The following EXTL3 variants were observed in gnomAD, a reference collection of about 807,000 sequenced individuals.
EXTL3 encodes exostosin like glycosyltransferase 3.
Under a neutral mutation model 69.3 loss-of-function variants are expected in EXTL3, and 27 were observed. The observed-to-expected ratio is 0.39, with a 90% confidence interval of 0.29 to 0.54. EXTL3 has a LOEUF of 0.54. Ranked by LOEUF, EXTL3 falls within the 20% of genes least tolerant of loss-of-function variation. The pLI, the probability that EXTL3 is intolerant of heterozygous loss-of-function variation, is 0.69. For missense variants in EXTL3, 1,003 were observed against 1,231.8 expected (o/e 0.81, Z 2.78); for synonymous variants, 511 against 499.4 (o/e 1.02, Z -0.31).
At chr8:28,625,394 C>T (rs915289217) in intron 1 of EXTL3, among the ~76,000 whole-genome samples, 3 of 152,162 alleles carry the variant, frequency 2.0e-5, no homozygotes, top group African/African-American at 7.2e-5. Context: ...GCAGAAAGAA[C>T]AATAGAGAGG....
In EXTL3 at chr8:28,661,485, T is replaced by C. The variant is rs907531223; in HGVS notation, c.-53+38675T>C. On this transcript the variant is annotated intron_variant, in intron 1 of 6. Coordinates refer to the EXTL3 transcript ENST00000523149. ...AAATATCTAAATACACATACCTAAA[T>C]ATAAAGCCTTAACATGAATATATAT... Among the ~76,000 whole-genome samples, 5 of 152,162 alleles carry C rather than the reference T, an allele frequency of 3.3e-5. No homozygotes were observed. The East Asian group carries it at 9.6e-4, about 29-fold the overall frequency.
chr8:28,648,806 C>T (rs1420842821), intron 1 of EXTL3, among the ~76,000 whole-genome samples: 3 of 152,062 alleles, frequency 2.0e-5, no homozygotes, highest in Non-Finnish European at 1.5e-5. Context: ...GACTCAAACT[C>T]CTGGGCTCAA....
At chr8:28,700,043 A>G (rs1431226224), upstream of EXTL3, 1 of 104,882 alleles carries the variant, frequency 9.5e-6, no homozygotes, top group Non-Finnish European at 2.1e-5. Context: ...AAGTAGAGGA[A>G]CTGTTAAAAA....
In EXTL3 at chr8:28,615,486, G is replaced by A. The variant is rs553944708; in HGVS notation, n.314+7728G>A. Reference sequence around the variant, plus strand: ...GTCTTCCTGGAGAATTGACCCGTTTGTCGTTATGTAATGTTCTGCTGTATC... The same window carrying A: ...GTCTTCCTGGAGAATTGACCCGTTTATCGTTATGTAATGTTCTGCTGTATC... On this transcript the variant is annotated intron_variant and non_coding_transcript_variant, in intron 2 of 4. Coordinates refer to the EXTL3 transcript ENST00000522725. Among the ~76,000 whole-genome samples the A allele has an allele frequency of 8.4e-4, 128 of 152,310 alleles. 1 individual carries two copies. Among genetic ancestry groups the A allele is most frequent in the African/African-American group, 3.0e-3 (123 of 41,554 alleles).
At chr8:28,653,544 A>G (rs1227833655) in intron 1 of EXTL3, among the ~76,000 whole-genome samples, 1 of 152,096 alleles carries the variant, frequency 6.6e-6, no homozygotes, top group African/African-American at 2.4e-5. Context: ...TAGTTTTTAT[A>G]TATGGTATAG....
intron 1 of EXTL3, among the ~76,000 whole-genome samples, chr8:28,660,792 T>G (rs1807096051): frequency 6.6e-6 from 1 of 150,778 alleles, no homozygotes; most frequent in Non-Finnish European, 1.5e-5. Flanking sequence ...ACAATATTAC[T>G]TACTTATCCC....
intron 1 of EXTL3, among the ~76,000 whole-genome samples, chr8:28,671,407 C>A (rs1218985395): frequency 2.0e-5 from 3 of 147,922 alleles, no homozygotes; most frequent in African/African-American, 7.5e-5. Flanking sequence ...CGCAACCTCT[C>A]AAGATTTCGG....
chr8:28,718,178 C>T lies in EXTL3; in HGVS notation c.2119C>T (p.Leu707=). ...NSPKLPSEDL[L]WPDIGVPIMV... ...TCCCAAGCTGCCATCAGAGGACCTT[C>T]TGTGGCCTGACATTGGCGTCCCCAT... Residue 707 remains leucine (L), a synonymous_variant, in exon 3 of 7, where the codon CTG becomes TTG. Transcript: ENST00000220562. 2 of 1,614,176 alleles carry T rather than the reference C, an allele frequency of 1.2e-6. No homozygotes were observed. The highest frequency in any genetic ancestry group is 1.7e-6 in the Non-Finnish European group (2 of 1,180,018).
chr8:28,750,880 T>C lies in EXTL3; in HGVS notation c.*14T>C. The C allele has an allele frequency of 1.2e-6, 2 of 1,611,852 alleles. No individual in the cohort carries two copies. The highest frequency in any genetic ancestry group is 1.7e-6 in the Non-Finnish European group (2 of 1,178,436). On this transcript the variant is annotated 3_prime_UTR_variant, in exon 7 of 7. Transcript: ENST00000220562. This position sits in a 1 kb window ranked among gnomAD's most constrained non-coding sequence, Gnocchi z 5.2. ...AAGTTCATCTAGGGGCAGCGCACGG[T>C]CTGGGGAAGAGGATGAGCAGAGGGA...
At position 28,704,009 on chromosome 8, in the gene EXTL3, C is replaced by T. The variant is rs181502964; in HGVS notation, c.-570+2350C>T. 5.9e-4 allele frequency among the ~76,000 whole-genome samples: 90 copies of T among 152,272 alleles called. No individual in the cohort carries two copies. In the East Asian group the frequency reaches 0.016, roughly 27 times the overall value. On this transcript the variant is annotated intron_variant, in intron 1 of 6. Transcript: ENST00000220562. Reference sequence around the variant, plus strand: ...AGCTCAAGAGGGACAGAGGTGGGCTCACCTGTAAGCTTCATCTTTTCTTTT... The same window carrying T: ...AGCTCAAGAGGGACAGAGGTGGGCTTACCTGTAAGCTTCATCTTTTCTTTT...
At chr8:28,620,016 G>A (rs1326021735), upstream of EXTL3, among the ~76,000 whole-genome samples, 4 of 151,458 alleles carry the variant, frequency 2.6e-5, no homozygotes, top group Admixed American at 6.6e-5. Context: ...GACTACAGGC[G>A]CCTGCCACCA....
intron 1 of EXTL3, among the ~76,000 whole-genome samples, chr8:28,672,878 G>A (rs896552505): frequency 3.3e-5 from 5 of 152,262 alleles, no homozygotes; most frequent in Middle Eastern, 3.4e-3. Flanking sequence ...GGAGGGACCC[G>A]GTGGGAGGTA....
chr8:28,658,000 G>A (rs534334545), intron 1 of EXTL3, among the ~76,000 whole-genome samples: 119 of 152,310 alleles, frequency 7.8e-4, no homozygotes, highest in African/African-American at 2.4e-3. Context: ...AGCTGATTCT[G>A]AGCCCGCTGG....
chr8:28,650,823 G>A (rs916253092), intron 1 of EXTL3, among the ~76,000 whole-genome samples: 3 of 152,130 alleles, frequency 2.0e-5, no homozygotes, highest in African/African-American at 7.2e-5. Flanking sequence ...ACCATACCTT[G>A]TTAAAAGCCT....
chr8:28,662,944 G>T (rs2130625900), intron 1 of EXTL3, among the ~76,000 whole-genome samples: 2 of 152,206 alleles, frequency 1.3e-5, no homozygotes, highest in Non-Finnish European at 2.9e-5. Context: ...AAGACAGAGT[G>T]AAACCCTGTC....
chr8:28,609,523 T>C (rs1202025111), intron 2 of EXTL3, among the ~76,000 whole-genome samples: 2 of 151,894 alleles, frequency 1.3e-5, no homozygotes, highest in Admixed American at 6.6e-5. Flanking sequence ...TGAGGATGCC[T>C]GAAGGAGGAG....
chr8:28,704,694 C>T (rs570389729), intron 1 of EXTL3, among the ~76,000 whole-genome samples: 169 of 151,726 alleles, frequency 1.1e-3, no homozygotes, highest in Non-Finnish European at 1.6e-3. Flanking sequence ...ATTGAGACGG[C>T]GTCTCGCTCT....
intron 1 of EXTL3, among the ~76,000 whole-genome samples, chr8:28,672,276 G>A (rs1273480162): frequency 2.0e-5 from 3 of 151,718 alleles, no homozygotes; most frequent in Non-Finnish European, 4.4e-5. Flanking sequence ...AAATTAGCCG[G>A]GCATGGTGGT....
chr8:28,751,082 C>T lies in EXTL3; in HGVS notation c.*216C>T, dbSNP rs1801993503. 1.7e-6 allele frequency: 1 copy of T among 581,084 alleles called. No individual in the cohort carries two copies. The allele number at this position is 581,084 out of a possible 1,614,324, so 36.0% of individuals were successfully genotyped here. On this transcript the variant is annotated 3_prime_UTR_variant, in exon 7 of 7. Coordinates refer to ENST00000220562, the MANE Select transcript of EXTL3 (RefSeq NM_001440.4). Reference sequence around the variant, plus strand: ...TGGGCGGAGTCCCCGGGGTTCCCCACACAGGGCACTGACTGATAGCTTACA... The same window carrying T: ...TGGGCGGAGTCCCCGGGGTTCCCCATACAGGGCACTGACTGATAGCTTACA...
Sources: gnomAD v4.1 joint callset for allele counts (sites outside exome capture counted in the v4.1 genomes callset) on GRCh38, gnomAD v4.1.1 for gene constraint, Gnocchi (gnomAD v3.1) non-coding constraint, MANE v1.5 for transcripts, NCBI Gene and HGNC (gene_info 2026-07-23, HGNC 2026-07-21) for gene names.